LGR6: variants seen among roughly 807,000 people sequenced by gnomAD.
The protein encoded by LGR6 is leucine rich repeat containing G protein-coupled receptor 6.
In LGR6, 45 loss-of-function variants were observed where a neutral mutation model predicts 69.4. The observed-to-expected ratio is 0.65, with a 90% CI of 0.51 to 0.83. LGR6 has a LOEUF of 0.83. LGR6 is among the 40% of genes least tolerant of loss of function. The pLI, the probability that LGR6 is intolerant of heterozygous loss-of-function variation, is 0.00. For synonymous variants in LGR6, 538 were observed against 555.0 expected (o/e 0.97, Z 0.43); for missense variants, 1,108 against 1,246.7 (o/e 0.89, Z 1.68).
chr1:202,194,754 T>C (rs1658575664), intron 1 of LGR6, among the ~76,000 whole-genome samples: 1 of 151,242 alleles, frequency 6.6e-6, no homozygotes, highest in Non-Finnish European at 1.5e-5. Flanking sequence ...TATCCACTCT[T>C]GTCTCCTCAG....
chr1:202,210,389 T>C (rs1659413626), intron 1 of LGR6, among the ~76,000 whole-genome samples: 1 of 140,376 alleles, frequency 7.1e-6, no homozygotes, highest in African/African-American at 2.7e-5. Context: ...AATGAATGAA[T>C]GAACAAATGA....
At chr1:202,219,517 T>C (rs1170556504) in intron 1 of LGR6, among the ~76,000 whole-genome samples, 2 of 152,232 alleles carry the variant, frequency 1.3e-5, no homozygotes, top group African/African-American at 4.8e-5. Context: ...CCTTCATTGA[T>C]TGGGTGCCGG....
chr1:202,286,759 G>T (rs769424278), intron 6 of LGR6, among the ~76,000 whole-genome samples: 1 of 151,912 alleles, frequency 6.6e-6, no homozygotes, highest in Non-Finnish European at 1.5e-5. Flanking sequence ...GGCTTCCCCC[G>T]CAGAACCACT....
intron 9 of LGR6, 49 bp downstream of exon 9, chr1:202,301,284 C>T: frequency 6.7e-7 from 1 of 1,484,332 alleles, no homozygotes. Context: ...CCCCTTTCCT[C>T]ACTCCTTCTT....
At chr1:202,196,918 C>T in intron 1 of LGR6, 1 of 438,400 alleles carries the variant, frequency 2.3e-6, no homozygotes, top group Non-Finnish European at 4.7e-6. Flanking sequence ...TGGAGCCCAA[C>T]CAGTTGGTGA....
At chr1:202,305,070 G>T (rs1667883930) in intron 11 of LGR6, among the ~76,000 whole-genome samples, 1 of 152,094 alleles carries the variant, frequency 6.6e-6, no homozygotes, top group African/African-American at 2.4e-5. Context: ...TGAATCTGAG[G>T]CTCCTCATCA....
intron 1 of LGR6, among the ~76,000 whole-genome samples, chr1:202,214,965 G>A (rs1319156247): frequency 6.6e-6 from 1 of 151,444 alleles, no homozygotes; most frequent in African/African-American, 2.4e-5. Flanking sequence ...CTAGGGTAGG[G>A]GTAAATGGTG....
intron 1 of LGR6, among the ~76,000 whole-genome samples, chr1:202,194,911 C>T (rs1468345914): frequency 3.3e-5 from 5 of 152,128 alleles, no homozygotes; most frequent in East Asian, 3.9e-4. Context: ...CCATTTTTAG[C>T]GTCTGAGTTG....
rs532696326 is a variant in LGR6, at chr1:202,271,859, A to C, written c.429-4447A>C. ...GAGGGGAGAGAGGAGAAAGTTTAAT[A>C]GAAGCCAATACTGCGCCTGTCTCCT... On this transcript the variant is annotated intron_variant, in intron 4 of 17. Transcript: ENST00000367278. Among the ~76,000 whole-genome samples, 8 of 150,912 alleles carry C rather than the reference A, an allele frequency of 5.3e-5. No homozygotes were observed. In the South Asian group the frequency reaches 1.1e-3, roughly 20 times the overall value.
chr1:202,233,238 T>A (rs1157158794), intron 3 of LGR6, among the ~76,000 whole-genome samples: 2 of 152,108 alleles, frequency 1.3e-5, no homozygotes, highest in East Asian at 3.9e-4. Flanking sequence ...TCTCTGGGAT[T>A]TGACAAAGGA....
chr1:202,287,219 T>G (rs948734635), intron 6 of LGR6, among the ~76,000 whole-genome samples: 1 of 152,226 alleles, frequency 6.6e-6, no homozygotes, highest in African/African-American at 2.4e-5. Context: ...TATTAAGTTT[T>G]TAGTATATGC....
intron 1 of LGR6, among the ~76,000 whole-genome samples, chr1:202,219,351 C>T (rs1659993331): frequency 6.6e-6 from 1 of 152,216 alleles, no homozygotes; most frequent in Non-Finnish European, 1.5e-5. Context: ...GTTGTCTGGG[C>T]AGCCCGTTAA....
At chr1:202,215,672 G>A (rs770376581) in intron 1 of LGR6, among the ~76,000 whole-genome samples, 8 of 152,108 alleles carry the variant, frequency 5.3e-5, no homozygotes, top group Non-Finnish European at 7.4e-5. Context: ...TCTGTCTTCC[G>A]TCCCTCTTCA....
chr1:202,274,181 C>T (rs1172460976), intron 4 of LGR6, among the ~76,000 whole-genome samples: 2 of 152,202 alleles, frequency 1.3e-5, no homozygotes, highest in East Asian at 3.9e-4. Flanking sequence ...CTCTAGCTTA[C>T]TGGTGTGCTT....
chr1:202,317,035 C>T (rs971894875), intron 17 of LGR6, among the ~76,000 whole-genome samples: 4 of 152,116 alleles, frequency 2.6e-5, no homozygotes, highest in Admixed American at 2.0e-4. Context: ...TGGTCTGTAC[C>T]CCTCTCACAG....
chr1:202,197,492 C>T (rs1658687849), intron 1 of LGR6: 2 of 532,834 alleles, frequency 3.8e-6, no homozygotes, highest in Non-Finnish European at 7.7e-6. Context: ...TTGACATTCT[C>T]CCTGGTTAGG....
At chr1:202,261,696 A>G (rs954233896) in intron 4 of LGR6, among the ~76,000 whole-genome samples, 3 of 152,230 alleles carry the variant, frequency 2.0e-5, no homozygotes, top group African/African-American at 7.2e-5. Flanking sequence ...TTACAGTCCC[A>G]CCAACAGTGT....
chr1:202,292,567 C>T (rs999252421), intron 6 of LGR6, among the ~76,000 whole-genome samples: 1 of 152,076 alleles, frequency 6.6e-6, no homozygotes, highest in Non-Finnish European at 1.5e-5. Flanking sequence ...GGTAGAGAGA[C>T]CAGTGAGGAG....
chr1:202,271,256 T>C (rs1480255113), intron 4 of LGR6, among the ~76,000 whole-genome samples: 1 of 152,114 alleles, frequency 6.6e-6, no homozygotes, highest in African/African-American at 2.4e-5. Flanking sequence ...CGGAGACTCC[T>C]TCAGCAATCC....
Sources: gnomAD v4.1 joint callset for allele counts (sites outside exome capture counted in the v4.1 genomes callset) on GRCh38, gnomAD v4.1.1 for gene constraint, MANE v1.5 for transcripts, NCBI Gene and HGNC (gene_info 2026-07-23, HGNC 2026-07-21) for gene names.